The following UBOX5 variants were observed in gnomAD, a reference collection of about 807,000 sequenced individuals.
UBOX5 encodes the protein RING finger protein 37.
UBOX5 carries 28 observed loss-of-function variants against 39.0 expected under a neutral mutation model. The observed-to-expected ratio is 0.72, with a 90% CI of 0.53 to 0.98. The LOEUF (loss-of-function observed/expected upper bound fraction) is 0.98. Among genes scored for constraint, UBOX5 ranks in the 50% least tolerant of loss-of-function variants. UBOX5 has a pLI of 0.00. For missense variants in UBOX5, 585 were observed against 674.4 expected (o/e 0.87, Z 1.47); for synonymous variants, 283 against 275.5 (o/e 1.03, Z -0.27).
At chr20:3,117,205 T>C (rs549882571) in intron 3 of UBOX5, among the ~76,000 whole-genome samples, 41 of 151,988 alleles carry the variant, frequency 2.7e-4, no homozygotes, top group African/African-American at 9.7e-4. Context: ...TACTATTCAA[T>C]TGTTCCACAG....
intron 1 of UBOX5, among the ~76,000 whole-genome samples, chr20:3,126,285 T>C (rs931996580): frequency 6.6e-6 from 1 of 152,010 alleles, no homozygotes; most frequent in African/African-American, 2.4e-5. Flanking sequence ...AAGATGTGCT[T>C]TGTCAAACAG....
intron 3 of UBOX5, among the ~76,000 whole-genome samples, chr20:3,119,620 G>A (rs2066319073): frequency 6.6e-6 from 1 of 152,016 alleles, no homozygotes; most frequent in South Asian, 2.1e-4. Context: ...CTGGGAGGCT[G>A]AGGTGGGCGA....
intron 3 of UBOX5, among the ~76,000 whole-genome samples, chr20:3,119,865 A>C (rs1252795975): frequency 1.3e-5 from 2 of 151,892 alleles, no homozygotes; most frequent in African/African-American, 2.4e-5. Context: ...ACAACAACAA[A>C]AAAACATCTA....
At chr20:3,148,896 T>A in intron 1 of UBOX5, 1 of 1,614,222 alleles carries the variant, frequency 6.2e-7, no homozygotes, top group East Asian at 2.2e-5. Context: ...GTGCTACATA[T>A]GTTCTTAACT....
At chr20:3,152,651 T>C (rs1195085886) in intron 1 of UBOX5, among the ~76,000 whole-genome samples, 2 of 152,162 alleles carry the variant, frequency 1.3e-5, no homozygotes, top group Non-Finnish European at 2.9e-5. Context: ...CTCACACCTA[T>C]AATCCCAGCA....
chr20:3,142,252 A>G (rs2066523110), intron 1 of UBOX5, among the ~76,000 whole-genome samples: 1 of 151,624 alleles, frequency 6.6e-6, no homozygotes, highest in South Asian at 2.1e-4. Context: ...ACTTGAGGCC[A>G]GGAGTTCGAG....
At chr20:3,128,951 C>T (rs2066410064) in intron 1 of UBOX5, among the ~76,000 whole-genome samples, 1 of 152,166 alleles carries the variant, frequency 6.6e-6, no homozygotes, top group African/African-American at 2.4e-5. Flanking sequence ...CCTTGACTGC[C>T]CTTTCCAATA....
At chr20:3,117,864 C>T (rs148048531) in intron 3 of UBOX5, among the ~76,000 whole-genome samples, 9,032 of 151,388 alleles carry the variant, frequency 0.06, 352 homozygotes, top group Non-Finnish European at 0.088. Context: ...TGGTGGCGAG[C>T]GCCTGTAATC....
intron 1 of UBOX5, chr20:3,151,661 A>AT (rs888666706): frequency 6.6e-6 from 1 of 151,780 alleles, no homozygotes; most frequent in Admixed American, 6.5e-5. Flanking sequence ...AAAATAAAAA[A>AT]TTTTAATTAA....
intron 1 of UBOX5, among the ~76,000 whole-genome samples, chr20:3,129,070 T>C (rs1171501695): frequency 2.6e-5 from 4 of 152,320 alleles, no homozygotes; most frequent in East Asian, 1.9e-4. Context: ...TCTCAGCTCA[T>C]GAGGCTTCTC....
chr20:3,115,583 A>G, intron 3 of UBOX5, 117 bp from the exon 4 acceptor site: 2 of 1,159,420 alleles, frequency 1.7e-6, no homozygotes, highest in Non-Finnish European at 2.3e-6. Context: ...CAATGTAATG[A>G]AACTCCATCC....
chr20:3,110,304 C>G lies in UBOX5; in HGVS notation c.1428G>C (p.Gly476=), dbSNP rs138516390. 6.2e-7 allele frequency: 1 copy of G among 1,614,098 alleles called. No homozygotes were observed. The highest frequency in any genetic ancestry group is 8.5e-7 in the Non-Finnish European group (1 of 1,180,018). The change falls in exon 5 of 5, where the codon GGG becomes GGC. Residue 476 remains glycine (G), a synonymous_variant. Transcript: ENST00000217173. ...AGGCACATTCGGGGCCCAGGATGCTCCCAGGCTGCTCTGGTAAATCAGGAA... is the reference window on the plus strand; with the variant it reads ...AGGCACATTCGGGGCCCAGGATGCTGCCAGGCTGCTCTGGTAAATCAGGAA... ...WRPGTGSEQP[G]SILGPECASC... is the part of the protein sequence containing the mutation.
At position 3,121,924 on chromosome 20, in the gene UBOX5, G is replaced by A; in HGVS notation, c.715C>T (p.Gln239Ter). The change falls in exon 3 of 5, where the codon CAG (glutamine) becomes TAG (stop). Residue 239 changes from glutamine to a stop codon, truncating the protein, a stop_gained. Transcript: ENST00000217173. LOFTEE classifies it high-confidence loss of function. ...PMESDCDPGD[Q>*]PESQQAPSSL... The stretch of plus-strand genomic sequence containing the variant: ...GAGGGAGCCTGCTGGCTCTCAGGCT[G>A]GTCCCCAGGGTCACAGTCACTTTCC... 6.2e-7 allele frequency: 1 copy of A among 1,613,852 alleles called. No homozygotes were observed. The highest frequency in any genetic ancestry group is 1.1e-5 in the South Asian group (1 of 91,090).
At chr20:3,157,382 C>T (rs753419817) in intron 1 of UBOX5, among the ~76,000 whole-genome samples, 1 of 152,198 alleles carries the variant, frequency 6.6e-6, no homozygotes, top group Non-Finnish European at 1.5e-5. Context: ...TAAAATTATT[C>T]AGTCTAGCAA....
In UBOX5 at chr20:3,149,103, G is replaced by A. The variant is rs1282249266; in HGVS notation, c.-42+10663C>T. On this transcript the variant is annotated intron_variant, in intron 1 of 4. Coordinates refer to ENST00000217173, the MANE Select transcript of UBOX5 (RefSeq NM_014948.4). The surrounding 1 kb of genome is among the most constrained non-coding windows in gnomAD (Gnocchi z 4.1). ...TCAGTATTGATCTCTTTGGCAGTCA[G>A]AATACAGTCCTCACAGATTTGACCA... is the stretch of plus-strand genomic sequence containing the variant. The A allele has an allele frequency of 1.9e-6, 3 of 1,577,202 alleles. No individual in the cohort carries two copies. The highest frequency in any genetic ancestry group is 2.2e-5 in the East Asian group (1 of 44,602).
chr20:3,120,639 C>T (rs2066328004), intron 3 of UBOX5, among the ~76,000 whole-genome samples: 1 of 149,298 alleles, frequency 6.7e-6, no homozygotes, highest in Admixed American at 6.6e-5. Context: ...CAGCGAGACT[C>T]CATCTCAAAA....
chr20:3,141,630 G>C (rs1206230842), intron 1 of UBOX5, among the ~76,000 whole-genome samples: 2 of 150,606 alleles, frequency 1.3e-5, no homozygotes, highest in Admixed American at 6.6e-5. Context: ...TGGGCAACAA[G>C]AGCGAAACTC....
intron 1 of UBOX5, chr20:3,148,037 C>T (rs1482773048): frequency 6.2e-7 from 1 of 1,614,044 alleles, no homozygotes; most frequent in African/African-American, 1.3e-5. Flanking sequence ...AATGTTAGCA[C>T]AAGCCAAGTC....
Position 3,122,256 on chromosome 20 carries a change from TG to T in UBOX5, c.382del (p.Gln128LysfsTer46). On this transcript the variant is annotated frameshift_variant, in exon 3 of 5. Coordinates refer to ENST00000217173, the MANE Select transcript of UBOX5 (RefSeq NM_014948.4). LOFTEE classifies it high-confidence loss of function. ...GAAGCCCCTGTGGCTAAACACCACT[TG>T]GCTCTGGTTTTTCAGTAAGACTTTG... ...VGKVLLKNQS[Q>X]VVFSHRGFKA... The T allele has an allele frequency of 6.2e-7, 1 of 1,614,208 alleles. No individual in the cohort carries two copies. The highest frequency in any genetic ancestry group is 1.6e-4 in the Middle Eastern group (1 of 6,062).
Sources: gnomAD v4.1 joint callset for allele counts (sites outside exome capture counted in the v4.1 genomes callset) on GRCh38, gnomAD v4.1.1 for gene constraint, Gnocchi (gnomAD v3.1) non-coding constraint, MANE v1.5 for transcripts, NCBI Gene and HGNC (gene_info 2026-07-23, HGNC 2026-07-21) for gene names.